Variants in SPINK9 observed in about 807,000 individuals in gnomAD.
SPINK9 encodes the protein serine protease inhibitor Kazal-type 9.
A neutral mutation model predicts 10.8 loss-of-function variants in SPINK9; 3 were observed. The ratio of observed to expected loss-of-function variants is 0.28; its 90% CI spans 0.13 to 0.72. The LOEUF (loss-of-function observed/expected upper bound fraction) is 0.72. SPINK9 is among the 30% of genes least tolerant of loss of function. The pLI, the probability that SPINK9 is intolerant of heterozygous loss-of-function variation, is 0.74. For synonymous variants in SPINK9, 30 were observed against 31.2 expected, an observed-to-expected ratio of 0.96 and a Z score of 0.12; for missense variants, 101 against 103.2, an observed-to-expected ratio of 0.98 and a Z score of 0.09.
chr5:148,329,537 C>T (rs188943163), intron 2 of SPINK9, among the ~76,000 whole-genome samples: 13 of 152,170 alleles, frequency 8.5e-5, no homozygotes, highest in Non-Finnish European at 1.6e-4. Flanking sequence ...TTATTTCTTG[C>T]CTTCTGCTAG....
intron 2 of SPINK9, among the ~76,000 whole-genome samples, chr5:148,336,906 T>G (rs1264990812): frequency 1.3e-5 from 2 of 152,144 alleles, no homozygotes; most frequent in Admixed American, 1.3e-4. Context: ...GTTACAGTAA[T>G]GAGTATTGTT....
Position 148,338,504 on chromosome 5 carries a change from A to G in SPINK9, c.114A>G (p.Leu38=). The change falls in exon 3 of 4, where the codon TTA becomes TTG. Residue 38 remains leucine (L), a synonymous_variant. Coordinates refer to ENST00000377906, the MANE Select transcript of SPINK9 (RefSeq NM_001040433.2). The part of the protein sequence containing the change: ...QMVDCSHYKK[L]PPGQQRFCHH... ...TTGACTGCAGTCATTATAAAAAGTT[A>G]CCACCAGGACAACAGAGATTTTGTC... 1 of 1,605,824 alleles carries G rather than the reference A, an allele frequency of 6.2e-7. No individual in the cohort carries two copies. The highest frequency in any genetic ancestry group is 2.2e-5 in the East Asian group (1 of 44,598).
upstream of SPINK9, among the ~76,000 whole-genome samples, chr5:148,333,419 C>T (rs941246619): frequency 6.6e-5 from 10 of 152,240 alleles, no homozygotes; most frequent in African/African-American, 2.2e-4. Flanking sequence ...GCTACTGCTC[C>T]TTGCTGAGTT....
chr5:148,325,847 T>C (rs891068076), intron 2 of SPINK9, among the ~76,000 whole-genome samples: 3 of 152,216 alleles, frequency 2.0e-5, no homozygotes, highest in African/African-American at 7.2e-5. Flanking sequence ...TTCTAAAAGT[T>C]ATTTCATTTT....
upstream of SPINK9, among the ~76,000 whole-genome samples, chr5:148,332,616 CAAAAT>C (rs1561767695): frequency 6.6e-6 from 1 of 152,100 alleles, no homozygotes; most frequent in African/African-American, 2.4e-5. Flanking sequence ...TTCTCAAGAA[CAAAAT>C]ATCAATGTTA....
chr5:148,332,093 G>T (rs1438831793), upstream of SPINK9, among the ~76,000 whole-genome samples: 1 of 152,122 alleles, frequency 6.6e-6, no homozygotes, highest in Admixed American at 6.6e-5. Flanking sequence ...GAAGTTCTTT[G>T]GTCTATTCTT....
intron 2 of SPINK9, among the ~76,000 whole-genome samples, chr5:148,337,355 C>T (rs1757230380): frequency 6.6e-6 from 1 of 152,140 alleles, no homozygotes; most frequent in Non-Finnish European, 1.5e-5. Context: ...CCTATCTTTG[C>T]ATCAGCTCCA....
intron 2 of SPINK9, among the ~76,000 whole-genome samples, chr5:148,330,263 C>G (rs1184468714): frequency 2.0e-5 from 3 of 152,114 alleles, no homozygotes; most frequent in South Asian, 2.1e-4. Context: ...TATGTAATGG[C>G]CTTCTTTGTC....
chr5:148,334,717 A>C (rs1757193406), upstream of SPINK9, among the ~76,000 whole-genome samples: 1 of 152,168 alleles, frequency 6.6e-6, no homozygotes, highest in Non-Finnish European at 1.5e-5. Context: ...TCTCCAAAAA[A>C]AAAAAGAAGA....
chr5:148,332,878 A>C (rs1757168433), upstream of SPINK9, among the ~76,000 whole-genome samples: 1 of 152,152 alleles, frequency 6.6e-6, no homozygotes, highest in Non-Finnish European at 1.5e-5. Flanking sequence ...AATTATACCC[A>C]CTTCAAGTCA....
intron 2 of SPINK9, among the ~76,000 whole-genome samples, chr5:148,329,622 T>G: frequency 6.6e-6 from 1 of 152,224 alleles, no homozygotes; most frequent in Non-Finnish European, 1.5e-5. Context: ...AGATCTTTCC[T>G]GCTTCTCTTG....
chr5:148,329,965 G>A lies in SPINK9; in HGVS notation c.118+6097G>A, dbSNP rs972951195. Among the ~76,000 whole-genome samples, 17 of 152,162 alleles carry A rather than the reference G, an allele frequency of 1.1e-4. No homozygotes were observed. In the East Asian group the frequency reaches 1.9e-3, roughly 17 times the overall value. ...TGGAATAGGTGTGGTGTGGTGCTGAGAAGAATGTATATTCTGTTGATTTCG... is the reference window on the plus strand; with the variant it reads ...TGGAATAGGTGTGGTGTGGTGCTGAAAAGAATGTATATTCTGTTGATTTCG... On this transcript the variant is annotated intron_variant, in intron 2 of 4. Coordinates refer to the SPINK9 transcript ENST00000511717.
At chr5:148,321,395 G>T (rs1324691514) in exon 1 of SPINK9, 2 of 152,186 alleles carry the variant, frequency 1.3e-5, no homozygotes, top group African/African-American at 4.8e-5. Flanking sequence ...TCAACTGGAA[G>T]AAAGGGTATC....
At chr5:148,328,827 C>G (rs1050462815) in intron 2 of SPINK9, among the ~76,000 whole-genome samples, 5 of 152,122 alleles carry the variant, frequency 3.3e-5, no homozygotes, top group Admixed American at 6.5e-5. Flanking sequence ...GTATGTTGAA[C>G]CAGCCTTGCA....
intron 3 of SPINK9, among the ~76,000 whole-genome samples, chr5:148,339,327 A>G (rs1375696808): frequency 6.6e-6 from 1 of 152,116 alleles, no homozygotes; most frequent in African/African-American, 2.4e-5. Context: ...AATACAAACG[A>G]GCATCTAACA....
chr5:148,337,375 G>A (rs1581190683), intron 2 of SPINK9, among the ~76,000 whole-genome samples: 2 of 152,226 alleles, frequency 1.3e-5, no homozygotes, highest in African/African-American at 4.8e-5. Context: ...ACTAACCTTA[G>A]CCCGATAACA....
intron 3 of SPINK9, among the ~76,000 whole-genome samples, chr5:148,339,389 T>C (rs1757259063): frequency 6.6e-6 from 1 of 152,084 alleles, no homozygotes; most frequent in African/African-American, 2.4e-5. Flanking sequence ...AATAACAATT[T>C]TTATGAAAAG....
intron 2 of SPINK9, chr5:148,323,872 T>C (rs1757027057): frequency 2.9e-6 from 2 of 693,562 alleles, no homozygotes; most frequent in Non-Finnish European, 5.2e-6. Context: ...TTACAAGGTA[T>C]GTAGCCCGCG....
chr5:148,323,546 T>C (rs2113408797), intron 1 of SPINK9: 2 of 419,360 alleles, frequency 4.8e-6, no homozygotes, highest in South Asian at 4.6e-5. Flanking sequence ...TACAATGACA[T>C]ATATATTAAC....
Sources: allele counts gnomAD v4.1 joint callset (sites outside exome capture counted in the v4.1 genomes callset), GRCh38; gene constraint gnomAD v4.1.1; transcripts MANE v1.5; gene names NCBI Gene and HGNC (gene_info 2026-07-23, HGNC 2026-07-21).